GJB6: variants seen among roughly 807,000 people sequenced by gnomAD.
GJB6 encodes the protein gap junction beta-6 protein.
In GJB6, 5 loss-of-function variants were observed where a neutral mutation model predicts 5.4. That is an observed-to-expected ratio of 0.92 (90% CI 0.48 to 1.93). The LOEUF (loss-of-function observed/expected upper bound fraction) is 1.93. Ranked by LOEUF, GJB6 falls within the 30% of genes most tolerant of loss-of-function variation. The pLI is 0.01. For synonymous variants in GJB6, 136 were observed against 129.6 expected, an observed-to-expected ratio of 1.05 and a Z score of -0.34; for missense variants, 298 against 326.9, an observed-to-expected ratio of 0.91 and a Z score of 0.68.
intron 4 of GJB6, among the ~76,000 whole-genome samples, chr13:20,226,961 C>T (rs1057318138): frequency 6.6e-6 from 1 of 152,122 alleles, no homozygotes; most frequent in Non-Finnish European, 1.5e-5. Flanking sequence ...CCCTGTGGTC[C>T]AACCTTCTAG....
In GJB6 at chr13:20,232,257, G is replaced by C. The variant is rs1870142293; in HGVS notation, c.-483C>G. On this transcript the variant is annotated 5_prime_UTR_variant, in exon 1 of 5. Transcript: ENST00000647029. ...GGGGCGGCGCCCTTCGCTCCGGCTG[G>C]GCAGGCAGGTCGGGCTCGGGCGCCG... is the stretch of plus-strand genomic sequence containing the variant. 6.6e-6 allele frequency: 1 copy of C among 152,038 alleles called. No homozygotes were observed. The highest frequency in any genetic ancestry group is 1.5e-5 in the Non-Finnish European group (1 of 68,040). 9.4% of individuals were successfully genotyped at this position (152,038 alleles called of 1,614,324 possible).
intron 4 of GJB6, among the ~76,000 whole-genome samples, chr13:20,227,759 G>T (rs1869695626): frequency 6.6e-6 from 1 of 152,234 alleles, no homozygotes; most frequent in Admixed American, 6.5e-5. Context: ...GGTCAGCTGC[G>T]GGTTATCAAG....
chr13:20,223,369 C>A lies in GJB6; in HGVS notation c.112G>T (p.Val38Leu). Residue 38 changes from valine (V) to leucine (L), a missense_variant, in exon 5 of 5, where the codon GTG becomes TTG. By Grantham distance (32) the Val-to-Leu change is conservative (BLOSUM62 1). Transcript: ENST00000647029. ...IFIFRVMILV[V>L]AAQEVWGDEQ... ...TCACCCCACACTTCCTGGGCAGCCA[C>A]CACGAGGATCATGACTCGGAAAATA... 1 of 1,614,176 alleles carries A rather than the reference C, an allele frequency of 6.2e-7. No individual in the cohort carries two copies. Among genetic ancestry groups the A allele is most frequent in the Non-Finnish European group, 8.5e-7 (1 of 1,180,032 alleles).
chr13:20,224,184 CAGT>C, intron 4 of GJB6, among the ~76,000 whole-genome samples: 1 of 152,042 alleles, frequency 6.6e-6, no homozygotes, highest in Non-Finnish European at 1.5e-5. Flanking sequence ...CTAGCTTCCA[CAGT>C]AGATTTTATT....
chr13:20,224,917 G>A (rs553102856), intron 4 of GJB6, among the ~76,000 whole-genome samples: 1 of 152,216 alleles, frequency 6.6e-6, no homozygotes, highest in African/African-American at 2.4e-5. Context: ...CAGCCCCCTG[G>A]ACCTCACGCT....
intron 4 of GJB6, among the ~76,000 whole-genome samples, chr13:20,228,488 T>G (rs968269112): frequency 1.6e-4 from 23 of 146,862 alleles, no homozygotes; most frequent in Non-Finnish European, 3.1e-4. Context: ...TTGTTTTTGT[T>G]TTTTGTTTTT....
chr13:20,230,413 C>A (rs1342718999), intron 3 of GJB6, among the ~76,000 whole-genome samples: 3 of 152,190 alleles, frequency 2.0e-5, no homozygotes, highest in Non-Finnish European at 4.4e-5. Flanking sequence ...TTCTCTGGGT[C>A]TTGTTAGCAA....
intron 4 of GJB6, among the ~76,000 whole-genome samples, chr13:20,228,304 C>T (rs1289677553): frequency 6.6e-6 from 1 of 152,098 alleles, no homozygotes; most frequent in Non-Finnish European, 1.5e-5. Context: ...TAACTGATGC[C>T]TCTCTGGCTG....
rs775669210 is a variant in GJB6, at chr13:20,222,995, G to GT, written c.485dup (p.His162GlnfsTer11). ...TCCCACATTTCAACACCCAGGGCAGGTGGTACCCATTGTAAAGGAAGTAAA... is the reference window on the plus strand; with the variant it reads ...TCCCACATTTCAACACCCAGGGCAGGTTGGTACCCATTGTAAAGGAAGTAAA... On this transcript the variant is annotated frameshift_variant, in exon 5 of 5. Coordinates refer to ENST00000647029, the MANE Select transcript of GJB6 (RefSeq NM_001110219.3). LOFTEE classifies it high-confidence loss of function. 3 of 1,614,166 alleles carry GT rather than the reference G, an allele frequency of 1.9e-6. No individual in the cohort carries two copies. Among genetic ancestry groups the GT allele is most frequent in the Non-Finnish European group, 1.7e-6 (2 of 1,180,008 alleles).
At chr13:20,230,116 T>G (rs1218476991) in intron 3 of GJB6, 1 of 152,188 alleles carries the variant, frequency 6.6e-6, no homozygotes, top group Non-Finnish European at 1.5e-5. Context: ...TCAGGAAGAA[T>G]AGATTTCTTT....
At chr13:20,228,588 G>T in intron 4 of GJB6, among the ~76,000 whole-genome samples, 1 of 150,348 alleles carries the variant, frequency 6.7e-6, no homozygotes. Context: ...GGTTCACGCC[G>T]TTCTCCCGCC....
intron 4 of GJB6, among the ~76,000 whole-genome samples, chr13:20,226,820 T>C (rs1208368449): frequency 6.6e-6 from 1 of 152,178 alleles, no homozygotes; most frequent in Non-Finnish European, 1.5e-5. Flanking sequence ...GAGTTTGATT[T>C]ATCAAAAAAT....
chr13:20,223,790 C>T (rs867770299), intron 4 of GJB6, among the ~76,000 whole-genome samples: 1 of 151,778 alleles, frequency 6.6e-6, no homozygotes, highest in African/African-American at 2.4e-5. Context: ...AAGGTAAAAC[C>T]CCATCTCTAC....
chr13:20,229,222 C>T (rs1869887041), intron 4 of GJB6, among the ~76,000 whole-genome samples: 2 of 144,224 alleles, frequency 1.4e-5, no homozygotes, highest in Non-Finnish European at 3.0e-5. Flanking sequence ...AATCTCAGCT[C>T]ACTGCAACAT....
intron 4 of GJB6, among the ~76,000 whole-genome samples, chr13:20,227,928 TGGTGGGTGGACAG>T (rs990847646): frequency 2.6e-5 from 4 of 152,082 alleles, no homozygotes; most frequent in Non-Finnish European, 4.4e-5. Context: ...GTCCTGACTT[TGGTGGGTGGACAG>T]GGTGGGTGGA....
chr13:20,223,468 T>A lies in GJB6; in HGVS notation c.13A>T (p.Thr5Ser). The change falls in exon 5 of 5, where the codon ACG becomes TCG. Residue 5 changes from threonine to serine, a missense_variant. Coordinates refer to ENST00000647029, the MANE Select transcript of GJB6 (RefSeq NM_001110219.3). ...ACACCCCCGATGAAAGTGTGCAGCGTCCCCCAATCCATTGCGCTGGTTTAT... is the reference window on the plus strand; with the variant it reads ...ACACCCCCGATGAAAGTGTGCAGCGACCCCCAATCCATTGCGCTGGTTTAT... MDWG[T>S]LHTFIGGVNK... 6.2e-7 allele frequency: 1 copy of A among 1,613,860 alleles called. No homozygotes were observed.
At chr13:20,229,150 A>AAAT (rs1869874003) in intron 4 of GJB6, among the ~76,000 whole-genome samples, 2 of 62,160 alleles carry the variant, frequency 3.2e-5, no homozygotes, top group African/African-American at 8.0e-5. Flanking sequence ...AAAAAAAAAA[A>AAAT]TTTTTTTTTT....
intron 4 of GJB6, among the ~76,000 whole-genome samples, chr13:20,227,424 C>G (rs1869668383): frequency 6.6e-6 from 1 of 152,164 alleles, no homozygotes; most frequent in Admixed American, 6.5e-5. Context: ...AGGACAGTCT[C>G]CTGGTTCAGA....
intron 4 of GJB6, among the ~76,000 whole-genome samples, chr13:20,226,949 T>C (rs1158135474): frequency 6.6e-6 from 1 of 152,102 alleles, no homozygotes; most frequent in Admixed American, 6.5e-5. Context: ...CACCCCGTGG[T>C]CCCCTGTGGT....
Sources: allele counts gnomAD v4.1 joint callset (sites outside exome capture counted in the v4.1 genomes callset), GRCh38; gene constraint gnomAD v4.1.1; transcripts MANE v1.5; gene names NCBI Gene and HGNC (gene_info 2026-07-23, HGNC 2026-07-21).